PPP2R2B: variants seen among roughly 807,000 people sequenced by gnomAD.
The protein encoded by PPP2R2B is protein phosphatase 2 regulatory subunit Bbeta.
In PPP2R2B, 5 loss-of-function variants were observed where a neutral mutation model predicts 46.0. The observed-to-expected ratio is 0.11, with a 90% CI of 0.06 to 0.23. The LOEUF (loss-of-function observed/expected upper bound fraction) is 0.23, where lower values mean the gene tolerates loss of function less well. Among genes scored for constraint, PPP2R2B ranks in the 10% least tolerant of loss-of-function variants. The probability of loss-of-function intolerance (pLI) is 1.00; values close to 1 mark genes in which losing one functional copy is unlikely to be tolerated. For missense variants in PPP2R2B, 367 were observed against 575.0 expected (o/e 0.64, Z 3.70); for synonymous variants, 215 against 206.7 (o/e 1.04, Z -0.34).
At chr5:146,807,836 G>C (rs780211464) in intron 2 of PPP2R2B, among the ~76,000 whole-genome samples, 3 of 86,614 alleles carry the variant, frequency 3.5e-5, no homozygotes, top group African/African-American at 8.2e-5. Context: ...TTTTGCTCTT[G>C]TTGCCCAGGC....
rs530515457 is a variant in PPP2R2B at position 146,697,838 on chromosome 5, C to T, written c.334+141G>A. The T allele has an allele frequency of 4.2e-6, 3 of 713,276 alleles. No homozygotes were observed. In the East Asian group the frequency reaches 9.4e-5, roughly 22 times the overall value. 44.2% of individuals were successfully genotyped at this position (713,276 alleles called of 1,614,324 possible). On this transcript the variant is annotated intron_variant, in intron 4 of 9. Transcript: ENST00000394411. ...GGGCCGAATCTGTGTGTGCCAGGCA[C>T]TCTGCTAAGCATCTTGCAAATGTTA...
chr5:147,078,513 C>T (rs545608574), intron 2 of PPP2R2B, among the ~76,000 whole-genome samples: 4 of 152,160 alleles, frequency 2.6e-5, no homozygotes, highest in South Asian at 2.1e-4. Flanking sequence ...ATTGGCCAGG[C>T]GCGGTGGCTC....
At chr5:146,638,442 C>A (rs1468144949) in intron 6 of PPP2R2B, 27 bp from the exon 7 acceptor site, 2 of 1,554,764 alleles carry the variant, frequency 1.3e-6, no homozygotes, top group Non-Finnish European at 1.8e-6. Flanking sequence ...AAGGAAGGAA[C>A]CAGGAGAAGG....
At chr5:146,680,303 C>A (rs950297509) in intron 5 of PPP2R2B, among the ~76,000 whole-genome samples, 45 of 149,478 alleles carry the variant, frequency 3.0e-4, no homozygotes, top group African/African-American at 1.1e-3. Flanking sequence ...GAACAAAAAA[C>A]CAAACACCGC....
At chr5:146,619,783 CCT>C (rs1773521089) in intron 7 of PPP2R2B, among the ~76,000 whole-genome samples, 1 of 152,102 alleles carries the variant, frequency 6.6e-6, no homozygotes, top group African/African-American at 2.4e-5. Flanking sequence ...TCCCTGCTCC[CCT>C]GTTTCTCTGG....
At chr5:146,872,675 C>A (rs915086731) in intron 2 of PPP2R2B, among the ~76,000 whole-genome samples, 10 of 152,178 alleles carry the variant, frequency 6.6e-5, no homozygotes, top group Non-Finnish European at 1.3e-4. Context: ...AGATCTCAAA[C>A]CTGGAGACGT....
At chr5:146,784,289 G>A (rs1275152716) in intron 2 of PPP2R2B, among the ~76,000 whole-genome samples, 1 of 152,158 alleles carries the variant, frequency 6.6e-6, no homozygotes, top group Non-Finnish European at 1.5e-5. Flanking sequence ...GAAGAGGACA[G>A]CCTCAGTCCT....
At chr5:147,055,626 T>C (rs773110771) in intron 1 of PPP2R2B, 12 of 1,562,988 alleles carry the variant, frequency 7.7e-6, no homozygotes, top group Non-Finnish European at 1.1e-5. Context: ...CAGCCCACTT[T>C]TCCCACCCAC....
chr5:146,663,506 T>C (rs1257982210), intron 5 of PPP2R2B, among the ~76,000 whole-genome samples: 4 of 152,152 alleles, frequency 2.6e-5, no homozygotes, highest in African/African-American at 7.2e-5. Flanking sequence ...GTCCCAGAGA[T>C]ACTGCAAGTT....
intron 1 of PPP2R2B, among the ~76,000 whole-genome samples, chr5:146,914,798 G>A (rs1015368792): frequency 1.3e-5 from 2 of 152,172 alleles, no homozygotes; most frequent in African/African-American, 4.8e-5. Context: ...TAGCCCAAAT[G>A]GAAGATCCAA....
At chr5:147,062,267 C>T (rs985855107) in intron 2 of PPP2R2B, among the ~76,000 whole-genome samples, 1 of 152,116 alleles carries the variant, frequency 6.6e-6, no homozygotes, top group African/African-American at 2.4e-5. Flanking sequence ...TAAGTGCACT[C>T]TAGGATGTTT....
At chr5:146,644,234 CAAAAAAAAAAAAAAAAA>C (rs58634387) in intron 6 of PPP2R2B, among the ~76,000 whole-genome samples, 1 of 60,660 alleles carries the variant, frequency 1.6e-5, no homozygotes, top group African/African-American at 6.3e-5. Context: ...AGGAAAGTTT[CAAAAAAAAAAAAAAAAA>C]AAAAAAAAAA....
At chr5:146,686,841 C>T (rs1031480214) in intron 5 of PPP2R2B, among the ~76,000 whole-genome samples, 15 of 152,146 alleles carry the variant, frequency 9.9e-5, no homozygotes, top group African/African-American at 3.4e-4. Context: ...GATTAAGTCA[C>T]TTTAACGATG....
At chr5:146,644,517 G>A (rs1391309963) in intron 6 of PPP2R2B, among the ~76,000 whole-genome samples, 1 of 152,120 alleles carries the variant, frequency 6.6e-6, no homozygotes, top group Non-Finnish European at 1.5e-5. Flanking sequence ...CAGTTTCCCT[G>A]GCTTAAAATC....
chr5:146,856,556 TTC>T (rs750158913), intron 2 of PPP2R2B: 6 of 1,612,956 alleles, frequency 3.7e-6, no homozygotes, highest in South Asian at 2.2e-5. Flanking sequence ...TGGGCCACTA[TTC>T]TCTGTCTTGG....
intron 5 of PPP2R2B, among the ~76,000 whole-genome samples, chr5:146,661,934 C>T (rs1405889040): frequency 6.6e-6 from 1 of 152,094 alleles, no homozygotes; most frequent in African/African-American, 2.4e-5. Context: ...TTTCAATTAA[C>T]ATTTATAGCT....
In PPP2R2B at chr5:146,878,609, C is replaced by G; in HGVS notation, c.-143G>C. 1 of 1,241,798 alleles carries G rather than the reference C, an allele frequency of 8.1e-7. No individual in the cohort carries two copies. The highest frequency in any genetic ancestry group is 1.0e-6 in the Non-Finnish European group (1 of 966,276). The allele number at this position is 1,241,798 out of a possible 1,614,324, so 76.9% of individuals were successfully genotyped here. A position where few individuals can be genotyped will look rare whatever the true frequency, so the allele number is the denominator to read the frequency against. ...GGCTTGCCTGGCCGGAATGAGGGTG[C>G]TGGTCCCACGGGAGGGCGGCTCCGG... is the stretch of plus-strand genomic sequence containing the variant. On this transcript the variant is annotated 5_prime_UTR_variant, in exon 1 of 10. Coordinates refer to ENST00000394411, the MANE Select transcript of PPP2R2B (RefSeq NM_181675.4). This position sits in a 1 kb window ranked among gnomAD's most constrained non-coding sequence, Gnocchi z 4.5.
At chr5:147,055,893 G>C (rs191041704) in exon 1 of PPP2R2B, 2 of 1,445,940 alleles carry the variant, frequency 1.4e-6, no homozygotes, top group East Asian at 5.0e-5. Context: ...GGAATAACTG[G>C]AGATGGGTCC....
At position 146,588,278 on chromosome 5, in the gene PPP2R2B, C is replaced by CTGTT. The variant is rs1554109313; in HGVS notation, c.*1665_*1668dup. ...TGAAATTGGGCTGCATCTAACAAGA[C>CTGTT]TGTTTTTACCTAAGGTGACAGTTAT... On this transcript the variant is annotated 3_prime_UTR_variant, in exon 10 of 10. Coordinates refer to ENST00000394411, the MANE Select transcript of PPP2R2B (RefSeq NM_181675.4). The CTGTT allele has an allele frequency of 6.6e-6, 1 of 152,168 alleles. No individual in the cohort carries two copies. The highest frequency in any genetic ancestry group is 1.5e-5 in the Non-Finnish European group (1 of 68,012). 9.4% of individuals were successfully genotyped at this position (152,168 alleles called of 1,614,324 possible). A position where few individuals can be genotyped will look rare whatever the true frequency, so the allele number is the denominator to read the frequency against.
Sources: gnomAD v4.1 joint callset for allele counts (sites outside exome capture counted in the v4.1 genomes callset) on GRCh38, gnomAD v4.1.1 for gene constraint, Gnocchi (gnomAD v3.1) non-coding constraint, MANE v1.5 for transcripts, NCBI Gene and HGNC (gene_info 2026-07-23, HGNC 2026-07-21) for gene names.